The following FGF14 variants were observed in gnomAD, a reference collection of about 807,000 sequenced individuals.
FGF14 encodes the protein fibroblast growth factor 14, also known as fibroblast growth factor homologous factor 4.
FGF14 carries 5 observed loss-of-function variants against 25.5 expected under a neutral mutation model. That is an observed-to-expected ratio of 0.20 (90% CI 0.10 to 0.41). FGF14 has a LOEUF of 0.41. Among genes scored for constraint, FGF14 ranks in the 10% least tolerant of loss-of-function variants. FGF14 has a pLI of 1.00. For missense variants in FGF14, 222 were observed against 320.1 expected (o/e 0.69, Z 2.34); for synonymous variants, 138 against 118.3 (o/e 1.17, Z -1.08).
At chr13:102,285,208 A>T (rs2141233950) in intron 1 of FGF14, among the ~76,000 whole-genome samples, 1 of 152,320 alleles carries the variant, frequency 6.6e-6, no homozygotes, top group Non-Finnish European at 1.5e-5. Context: ...GATCTGATTA[A>T]TGTTCTTGGT....
At chr13:101,848,925 T>C (rs1298411683) in intron 3 of FGF14, among the ~76,000 whole-genome samples, 1 of 152,076 alleles carries the variant, frequency 6.6e-6, no homozygotes, top group Admixed American at 6.6e-5. Context: ...TTCTTTACTT[T>C]GCAAACCTGA....
intron 1 of FGF14, among the ~76,000 whole-genome samples, chr13:102,013,137 G>C (rs542995735): frequency 4.0e-5 from 6 of 151,894 alleles, no homozygotes; most frequent in African/African-American, 1.5e-4. Context: ...CCTGGATGAC[G>C]GAGCAGAACC....
intron 1 of FGF14, among the ~76,000 whole-genome samples, chr13:102,153,526 T>C (rs1359528433): frequency 1.3e-5 from 2 of 152,220 alleles, no homozygotes; most frequent in Non-Finnish European, 2.9e-5. Context: ...CAGTTTTATA[T>C]GGATCAAATG....
chr13:102,268,171 T>C (rs2053081753), intron 1 of FGF14, among the ~76,000 whole-genome samples: 1 of 152,148 alleles, frequency 6.6e-6, no homozygotes, highest in Non-Finnish European at 1.5e-5. Context: ...GACAAAATCT[T>C]GGTCTTTGTT....
At chr13:102,395,493 T>G (rs142182699) in intron 1 of FGF14, 108 of 152,110 alleles carry the variant, frequency 7.1e-4, no homozygotes, top group African/African-American at 2.5e-3. Context: ...CAGGACCGGG[T>G]TTCAGAGCAC....
chr13:102,032,872 C>T (rs1430438758), intron 1 of FGF14, among the ~76,000 whole-genome samples: 1 of 152,120 alleles, frequency 6.6e-6, no homozygotes, highest in Non-Finnish European at 1.5e-5. Flanking sequence ...CACCTCTAAG[C>T]AACCAAGATT....
At chr13:101,845,897 A>T (rs892591122) in intron 3 of FGF14, among the ~76,000 whole-genome samples, 10 of 151,994 alleles carry the variant, frequency 6.6e-5, no homozygotes, top group African/African-American at 2.4e-4. Flanking sequence ...GGCAGGGCTC[A>T]GTGCATATAA....
At chr13:102,076,122 T>C (rs1382566843) in intron 1 of FGF14, among the ~76,000 whole-genome samples, 2 of 152,168 alleles carry the variant, frequency 1.3e-5, no homozygotes, top group Admixed American at 1.3e-4. Flanking sequence ...GTGCAACCTA[T>C]GTGTACAGTG....
At chr13:102,115,423 G>A (rs537372232) in intron 1 of FGF14, among the ~76,000 whole-genome samples, 1 of 152,252 alleles carries the variant, frequency 6.6e-6, no homozygotes, top group East Asian at 1.9e-4. Context: ...CATTCTGACT[G>A]GTGTGAAATG....
intron 1 of FGF14, among the ~76,000 whole-genome samples, chr13:102,202,631 G>A (rs925874237): frequency 1.3e-5 from 2 of 152,206 alleles, no homozygotes; most frequent in Non-Finnish European, 2.9e-5. Flanking sequence ...CAGTATGGCT[G>A]TTGCTACCTT....
intron 1 of FGF14, among the ~76,000 whole-genome samples, chr13:102,116,544 T>C (rs2140343364): frequency 6.6e-6 from 1 of 152,310 alleles, no homozygotes; most frequent in Middle Eastern, 3.4e-3. Context: ...GAAAATATTA[T>C]ATTAAGTAAA....
intron 1 of FGF14, among the ~76,000 whole-genome samples, chr13:102,220,819 C>A (rs1273296423): frequency 6.6e-6 from 1 of 152,210 alleles, no homozygotes; most frequent in Non-Finnish European, 1.5e-5. Flanking sequence ...TTAACATCAG[C>A]CCGGCTGGCT....
chr13:102,321,767 C>T (rs1243068470), intron 1 of FGF14, among the ~76,000 whole-genome samples: 2 of 152,140 alleles, frequency 1.3e-5, no homozygotes, highest in Non-Finnish European at 2.9e-5. Flanking sequence ...TATATGATGA[C>T]TCTATCAATT....
Position 102,342,291 on chromosome 13 carries a change from G to A in FGF14, c.208+59180C>T, listed in dbSNP as rs116008720. Reference sequence around the variant, plus strand: ...TCTCCTGAATAGTCCCTACATTAACGTGCTACTGGAATGATTCTCAAATAC... The same window carrying A: ...TCTCCTGAATAGTCCCTACATTAACATGCTACTGGAATGATTCTCAAATAC... On this transcript the variant is annotated intron_variant, in intron 1 of 4. Transcript: ENST00000376131. Among the ~76,000 whole-genome samples the A allele has an allele frequency of 9.9e-3, 1,500 of 152,146 alleles. 25 individuals carry two copies. The highest frequency in any genetic ancestry group is 0.034 in the African/African-American group (1,393 of 41,510).
At chr13:102,149,814 G>A (rs2047005475) in intron 1 of FGF14, among the ~76,000 whole-genome samples, 1 of 152,126 alleles carries the variant, frequency 6.6e-6, no homozygotes, top group Admixed American at 6.5e-5. Flanking sequence ...GTAATACAGG[G>A]AGCCCTACTT....
chr13:102,369,405 A>G (rs2139093088), intron 1 of FGF14, among the ~76,000 whole-genome samples: 1 of 152,300 alleles, frequency 6.6e-6, no homozygotes, highest in East Asian at 1.9e-4. Context: ...GTGCTGTGGG[A>G]ATACAGGTGT....
At position 101,711,862 on chromosome 13, in the gene FGF14, T is replaced by C. The variant is rs2034483433; in HGVS notation, c.*10969A>G. ...GAATGGATTAGTGGTGCTGTGGTGA[T>C]GAACTATCTGCCCTAAAACTCCTGC... On this transcript the variant is annotated 3_prime_UTR_variant, in exon 5 of 5. Coordinates refer to ENST00000376143, the MANE Select transcript of FGF14 (RefSeq NM_004115.4). The C allele has an allele frequency of 6.6e-6, 1 of 152,244 alleles. No homozygotes were observed. The allele number at this position is 152,244 out of a possible 1,614,324, so 9.4% of individuals were successfully genotyped here. A position where few individuals can be genotyped will look rare whatever the true frequency, so the allele number is the denominator to read the frequency against.
rs1400299043 is a variant in FGF14 at position 102,105,138 on chromosome 13, G to A, written c.209-229842C>T. ...CATTTACTAAAAAACAGAAAAATGA[G>A]GCTAGTTGGCTCTTTTCTTAATGTC... On this transcript the variant is annotated intron_variant, in intron 1 of 4. Transcript: ENST00000376131. Among the ~76,000 whole-genome samples the A allele has an allele frequency of 3.9e-5, 6 of 152,150 alleles. No individual in the cohort carries two copies. In the South Asian group the frequency reaches 8.3e-4, roughly 21 times the overall value.
chr13:102,020,084 T>C (rs2040555923), intron 1 of FGF14, among the ~76,000 whole-genome samples: 1 of 152,088 alleles, frequency 6.6e-6, no homozygotes, highest in Admixed American at 6.5e-5. Context: ...AATCATGATG[T>C]TGATGATAAT....
Sources: allele counts gnomAD v4.1 joint callset (sites outside exome capture counted in the v4.1 genomes callset), GRCh38; gene constraint gnomAD v4.1.1; transcripts MANE v1.5; gene names NCBI Gene and HGNC (gene_info 2026-07-23, HGNC 2026-07-21).